The following COL5A1 variants were observed in gnomAD, a reference collection of about 807,000 sequenced individuals.
COL5A1 encodes the protein collagen type V alpha 1 chain.
Under a neutral mutation model 263.7 loss-of-function variants are expected in COL5A1, and 16 were observed. That is an observed-to-expected ratio of 0.06 (90% confidence interval 0.04 to 0.09). The LOEUF (loss-of-function observed/expected upper bound fraction) is 0.09. COL5A1 is among the 10% of genes least tolerant of loss of function. The pLI is 1.00. For missense variants in COL5A1, 2,036 were observed against 2,540.5 expected, an observed-to-expected ratio of 0.80 and a Z score of 4.27; for synonymous variants, 1,012 against 1,004.5, an observed-to-expected ratio of 1.01 and a Z score of -0.14.
Position 134,696,507 on chromosome 9 carries a change from A to G in COL5A1, c.278-3402A>G, listed in dbSNP as rs1833474508. Among the ~76,000 whole-genome samples the G allele has an allele frequency of 6.6e-6, 1 of 152,054 alleles. No individual in the cohort carries two copies. Among genetic ancestry groups the G allele is most frequent in the Non-Finnish European group, 1.5e-5 (1 of 68,014 alleles). Reference sequence around the variant, plus strand: ...TTATTTAACTAACTGGTTTGGTTTGATGATTTCTGTTTGTATCGTGGGAGT... The same window carrying G: ...TTATTTAACTAACTGGTTTGGTTTGGTGATTTCTGTTTGTATCGTGGGAGT... On this transcript the variant is annotated intron_variant, in intron 2 of 65. Coordinates refer to ENST00000371817, the MANE Select transcript of COL5A1 (RefSeq NM_000093.5). The surrounding 1 kb of genome is among the most constrained non-coding windows in gnomAD (Gnocchi z 4.3).
At chr9:134,749,496 C>T (rs79951040) in intron 11 of COL5A1, among the ~76,000 whole-genome samples, 8,734 of 152,282 alleles carry the variant, frequency 0.057, 826 homozygotes, top group African/African-American at 0.2. Flanking sequence ...GGTTCAGGCC[C>T]AGATGGCTCC....
Position 134,757,250 on chromosome 9 carries a change from G to A in COL5A1, c.1881+432G>A, listed in dbSNP as rs535579053. Among the ~76,000 whole-genome samples, 1 of 152,236 alleles carries A rather than the reference G, an allele frequency of 6.6e-6. No homozygotes were observed. The highest frequency in any genetic ancestry group is 2.4e-5 in the African/African-American group (1 of 41,522). ...CTGTGTGTGTGGCATGAATGAGGCT[G>A]CACCAGGCATGCACCAGCTGTTGCT... On this transcript the variant is annotated intron_variant, in intron 17 of 65. Coordinates refer to ENST00000371817, the MANE Select transcript of COL5A1 (RefSeq NM_000093.5). This position sits in a 1 kb window ranked among gnomAD's most constrained non-coding sequence, Gnocchi z 6.2.
rs1833261626 is a variant in COL5A1 at position 134,691,065 on chromosome 9, A to G, written c.263A>G (p.Lys88Arg). 1 of 1,613,316 alleles carries G rather than the reference A, an allele frequency of 6.2e-7. No homozygotes were observed. The highest frequency in any genetic ancestry group is 8.5e-7 in the Non-Finnish European group (1 of 1,180,046). ...GACGCGCAGCTCAGCGCACCCACCA[A>G]GCAGCTGTACCCTGGTAAGTGCCGC... ...TKDAQLSAPTKQLYPASAFPE... is the reference protein window; with the variant it reads ...TKDAQLSAPTRQLYPASAFPE... The change falls in exon 2 of 66, where the codon AAG (lysine) becomes AGG (arginine). Residue 88 changes from lysine (K) to arginine (R), a missense_variant. Physicochemically the swap from Lys to Arg is conservative, Grantham distance 26 (BLOSUM62 2). Transcript: ENST00000371817.
intron 4 of COL5A1, among the ~76,000 whole-genome samples, chr9:134,710,252 G>C (rs1833976508): frequency 6.6e-6 from 1 of 152,252 alleles, no homozygotes. Flanking sequence ...GTGCTGGCAG[G>C]CTCTCCTGCC....
At position 134,821,784 on chromosome 9, in the gene COL5A1, C is replaced by T. The variant is rs1178247023; in HGVS notation, c.4555-313C>T. 6.6e-6 allele frequency among the ~76,000 whole-genome samples: 1 copy of T among 152,202 alleles called. No individual in the cohort carries two copies. Among genetic ancestry groups the T allele is most frequent in the South Asian group, 2.1e-4 (1 of 4,828 alleles). ...TGTCAGGGCAGTGGTTTCTGTATTT[C>T]CAAATGAACGTGAAAAGAGGTGCTC... On this transcript the variant is annotated intron_variant, in intron 58 of 65. Transcript: ENST00000371817. The surrounding 1 kb of genome is among the most constrained non-coding windows in gnomAD (Gnocchi z 4.2).
At chr9:134,747,465 G>A (rs114852948) in intron 11 of COL5A1, among the ~76,000 whole-genome samples, 9 of 151,124 alleles carry the variant, frequency 6.0e-5, no homozygotes, top group African/African-American at 1.7e-4. Context: ...CCACACAAAC[G>A]TACACATGCA....
chr9:134,692,041 T>A (rs530253246), intron 2 of COL5A1, among the ~76,000 whole-genome samples: 1 of 152,350 alleles, frequency 6.6e-6, no homozygotes, highest in South Asian at 2.1e-4. Flanking sequence ...CTCTGTACAC[T>A]CATCCCCAGC....
At chr9:134,784,937 A>C in intron 29 of COL5A1, 52 bp from the exon 30 acceptor site, 2 of 1,276,482 alleles carry the variant, frequency 1.6e-6, no homozygotes, top group Non-Finnish European at 2.2e-6. Context: ...GTGGTGGAGA[A>C]TAGTGTGTGT....
rs769868019 is a variant in COL5A1 at position 134,811,356 on chromosome 9, A to G, written c.3546A>G (p.Thr1182=). The G allele has an allele frequency of 6.2e-7, 1 of 1,611,066 alleles. No individual in the cohort carries two copies. The highest frequency in any genetic ancestry group is 8.5e-7 in the Non-Finnish European group (1 of 1,178,936). The change falls in exon 45 of 66, where the codon ACA becomes ACG. Residue 1182 remains threonine (T), a synonymous_variant. Coordinates refer to ENST00000371817, the MANE Select transcript of COL5A1 (RefSeq NM_000093.5). Reference sequence around the variant, plus strand: ...CCCCGCAGGGTCCTCCTGGGCCTACAGGTCCTCAAGGCCCCATCGGACAGC... The same window carrying G: ...CCCCGCAGGGTCCTCCTGGGCCTACGGGTCCTCAAGGCCCCATCGGACAGC... ...DKGEQGPPGP[T]GPQGPIGQPG...
At chr9:134,814,696 A>G in intron 49 of COL5A1, 101 bp from the exon 50 acceptor site, 1 of 896,256 alleles carries the variant, frequency 1.1e-6, no homozygotes. Flanking sequence ...GATACTTGGA[A>G]AGGCTGGTCT....
rs376920171 is a variant in COL5A1 at position 134,765,684 on chromosome 9, C to T, written c.2038C>T (p.Pro680Ser). The T allele has an allele frequency of 1.5e-5, 25 of 1,613,346 alleles. No individual in the cohort carries two copies. The African/African-American group carries it at 2.9e-4, about 19-fold the overall frequency. The part of the protein sequence containing the change: ...GPRGLPGEPG[P>S]RGLLGPKGPP... The stretch of plus-strand genomic sequence containing the variant: ...TATTTTCCCTTTCCTCTTACAGGGG[C>T]CACGTGGTCTGCTTGGGCCGAAGGG... Residue 680 changes from proline to serine, a missense_variant, in exon 21 of 66, where the codon CCA becomes TCA. Around this residue, in one of 3 missense-constraint regions of COL5A1, gnomAD observed 1,078 missense variants for 1,521.4 expected, o/e 0.71. Transcript: ENST00000371817. The surrounding 1 kb of genome is among the most constrained non-coding windows in gnomAD (Gnocchi z 5.1).
intron 59 of COL5A1, among the ~76,000 whole-genome samples, chr9:134,822,544 C>T (rs1839050115): frequency 6.6e-6 from 1 of 152,122 alleles, no homozygotes; most frequent in Admixed American, 6.5e-5. Context: ...GCCTGGGTCT[C>T]ACATTGCTGG....
rs751337133 is a variant in COL5A1, at chr9:134,731,611, C to A, written c.1280C>A (p.Pro427Gln). 4 of 1,614,034 alleles carry A rather than the reference C, an allele frequency of 2.5e-6. No homozygotes were observed. The East Asian group carries it at 8.9e-5, about 36-fold the overall frequency. Reference sequence around the variant, plus strand: ...CCCTACTACGACCCCACCAGCTCCCCGTCGGAGATCGGGCCGGGAATGCCG... The same window carrying A: ...CCCTACTACGACCCCACCAGCTCCCAGTCGGAGATCGGGCCGGGAATGCCG... The part of the protein sequence containing the change: ...YDPYYDPTSS[P>Q]SEIGPGMPAN... Residue 427 changes from proline (P) to glutamine (Q), a missense_variant, in exon 8 of 66, where the codon CCG becomes CAG. Around this residue, in one of 3 missense-constraint regions of COL5A1, gnomAD observed 600 missense variants for 634.5 expected, o/e 0.95. Transcript: ENST00000371817.
At position 134,730,609 on chromosome 9, in the gene COL5A1, A is replaced by C. The variant is rs3128600; in HGVS notation, c.1164+134A>C. On this transcript the variant is annotated intron_variant, in intron 7 of 65. Transcript: ENST00000371817. ...TCGGGTGGCCCCTGTGTTCCACCAC[A>C]CCCTGGCCCTGGGCCCTTTGCAGCT... is the stretch of plus-strand genomic sequence containing the variant. 0.45 allele frequency: 550,519 copies of C among 1,231,446 alleles called. 128,756 individuals are homozygous for C. The highest frequency in any genetic ancestry group is 0.66 in the Admixed American group (36,029 of 54,296). 76.3% of individuals were successfully genotyped at this position (1,231,446 alleles called of 1,614,324 possible).
chr9:134,779,689 G>A (rs1460350602), intron 27 of COL5A1, among the ~76,000 whole-genome samples: 3 of 152,208 alleles, frequency 2.0e-5, no homozygotes, highest in African/African-American at 4.8e-5. Context: ...CATGGAGGGG[G>A]AGCTGGGACC....
chr9:134,646,131 G>A (rs1195478064), intron 1 of COL5A1, among the ~76,000 whole-genome samples: 1 of 152,182 alleles, frequency 6.6e-6, no homozygotes. Context: ...CCTGGACCCT[G>A]AAGGCTTTTG....
rs973549918 is a variant in COL5A1 at position 134,700,523 on chromosome 9, G to A, written c.491+401G>A. Among the ~76,000 whole-genome samples, 4 of 152,184 alleles carry A rather than the reference G, an allele frequency of 2.6e-5. No individual in the cohort carries two copies. Among genetic ancestry groups the A allele is most frequent in the East Asian group, 3.8e-4 (2 of 5,202 alleles). On this transcript the variant is annotated intron_variant, in intron 3 of 65. Coordinates refer to ENST00000371817, the MANE Select transcript of COL5A1 (RefSeq NM_000093.5). This position sits in a 1 kb window ranked among gnomAD's most constrained non-coding sequence, Gnocchi z 4.0. ...GAGTGAGCATGAGAAAAAGCGGGTC[G>A]TGCCAGCACGCTCTGTTGGGTGCAG...
intron 4 of COL5A1, among the ~76,000 whole-genome samples, chr9:134,719,465 C>T (rs894968447): frequency 3.3e-5 from 5 of 152,266 alleles, no homozygotes; most frequent in African/African-American, 4.8e-5. Context: ...ACACACCAGC[C>T]AACCCCAGAT....
intron 11 of COL5A1, 75 bp from the exon 12 acceptor site, chr9:134,750,467 C>T (rs970291265): frequency 3.3e-5 from 45 of 1,363,958 alleles, no homozygotes; most frequent in South Asian, 1.6e-4. Context: ...GCTTCTCCGA[C>T]GCCCTCATTC....
Sources: allele counts gnomAD v4.1 joint callset (sites outside exome capture counted in the v4.1 genomes callset), GRCh38; gene constraint gnomAD v4.1.1; regional missense constraint gnomAD v4.1.1; non-coding constraint Gnocchi (gnomAD v3.1); transcripts MANE v1.5; gene names NCBI Gene and HGNC (gene_info 2026-07-23, HGNC 2026-07-21).